Variants in LGSN observed in about 807,000 individuals in gnomAD.
LGSN encodes the protein lengsin.
A neutral mutation model predicts 19.5 loss-of-function variants in LGSN; 21 were observed. The ratio of observed to expected loss-of-function variants is 1.07; its 90% CI spans 0.76 to 1.55. The LOEUF (loss-of-function observed/expected upper bound fraction) is 1.55. Among genes scored for constraint, LGSN ranks in the 40% most tolerant of loss-of-function variants. LGSN has a pLI of 0.00. For synonymous variants in LGSN, 257 were observed against 215.6 expected, an observed-to-expected ratio of 1.19 and a Z score of -1.68; for missense variants, 673 against 608.5, an observed-to-expected ratio of 1.11 and a Z score of -1.12.
the LGSN span, among the ~76,000 whole-genome samples, chr6:63,385,044 C>T: frequency 3.3e-5 from 5 of 152,142 alleles, no homozygotes; most frequent in South Asian, 2.1e-4. Context: ...TGTTGAACTT[C>T]GAGCCTGCAG....
At chr6:63,517,133 G>C in the LGSN span, among the ~76,000 whole-genome samples, 2 of 152,074 alleles carry the variant, frequency 1.3e-5, no homozygotes, top group African/African-American at 4.8e-5. Context: ...AATACATCAT[G>C]CTTATTATTA....
At chr6:63,524,875 A>G in the LGSN span, among the ~76,000 whole-genome samples, 710 of 152,354 alleles carry the variant, frequency 4.7e-3, 1 homozygote, top group Middle Eastern at 0.017. Context: ...ACCACAATGG[A>G]CAAATTTTTA....
chr6:63,446,954 C>T, the LGSN span, among the ~76,000 whole-genome samples: 34 of 152,158 alleles, frequency 2.2e-4, no homozygotes, highest in African/African-American at 7.5e-4. Flanking sequence ...GAGGCTGAGG[C>T]GGGAGAATCA....
chr6:63,532,487 T>C, the LGSN span, among the ~76,000 whole-genome samples: 1 of 152,114 alleles, frequency 6.6e-6, no homozygotes, highest in East Asian at 1.9e-4. Flanking sequence ...TAGGACTATT[T>C]CTGGAAGCCT....
chr6:63,346,269 C>T, the LGSN span, among the ~76,000 whole-genome samples: 6 of 152,034 alleles, frequency 3.9e-5, no homozygotes, highest in Non-Finnish European at 5.9e-5. Flanking sequence ...AAGACTAAGT[C>T]ATGATTTAAA....
At chr6:63,400,851 G>T in the LGSN span, among the ~76,000 whole-genome samples, 17 of 152,056 alleles carry the variant, frequency 1.1e-4, no homozygotes. Context: ...AAAATTAGCT[G>T]GGCATGGTGG....
In LGSN at chr6:63,319,056, TC is replaced by T. The variant is rs142514182; in HGVS notation, c.30+857del. Among the ~76,000 whole-genome samples, 445 of 152,266 alleles carry T rather than the reference TC, an allele frequency of 2.9e-3. 3 individuals carry two copies. Among genetic ancestry groups the T allele is most frequent in the African/African-American group, 0.01 (421 of 41,562 alleles). On this transcript the variant is annotated intron_variant, in intron 1 of 3. Transcript: ENST00000370657. Reference sequence around the variant, plus strand: ...CTTCTTCACATAGCCTTGCCCAGTTTCCCTTAGGGAAAGTGCATTTGTTCTT... The same window carrying T: ...CTTCTTCACATAGCCTTGCCCAGTTTCCTTAGGGAAAGTGCATTTGTTCTT...
At chr6:63,491,810 C>A in the LGSN span, among the ~76,000 whole-genome samples, 4 of 152,160 alleles carry the variant, frequency 2.6e-5, no homozygotes, top group African/African-American at 9.7e-5. Flanking sequence ...GCGGGCGGAT[C>A]TCCTGAGGTC....
the LGSN span, among the ~76,000 whole-genome samples, chr6:63,437,697 C>T: frequency 6.6e-6 from 1 of 152,154 alleles, no homozygotes; most frequent in African/African-American, 2.4e-5. Flanking sequence ...CTTTGGGAGG[C>T]TGAGGCGGGC....
At chr6:63,558,900 T>C in the LGSN span, among the ~76,000 whole-genome samples, 3 of 152,172 alleles carry the variant, frequency 2.0e-5, no homozygotes, top group African/African-American at 4.8e-5. Flanking sequence ...AGTAGGATTG[T>C]TGTAAGAGTT....
At position 63,281,192 on chromosome 6, in the gene LGSN, G is replaced by A. The variant is rs1767297411; in HGVS notation, c.359C>T (p.Pro120Leu). ...QEKVSHGVCM[P>L]RGYLEVIPNP... Reference sequence around the variant, plus strand: ...TGGTATCACTTCAAGATAACCTCGGGGCATGCAAACACCATGGCTCACTTT... The same window carrying A: ...TGGTATCACTTCAAGATAACCTCGGAGCATGCAAACACCATGGCTCACTTT... The change falls in exon 4 of 4, where the codon CCC (proline) becomes CTC (leucine). Residue 120 changes from proline (P) to leucine (L), a missense_variant. Pro to Leu is a moderately conservative substitution (Grantham distance 98). Coordinates refer to ENST00000370657, the MANE Select transcript of LGSN (RefSeq NM_016571.3). 2 of 1,600,228 alleles carry A rather than the reference G, an allele frequency of 1.2e-6. No homozygotes were observed. The highest frequency in any genetic ancestry group is 1.7e-6 in the Non-Finnish European group (2 of 1,173,164).
chr6:63,340,468 G>T, the LGSN span, among the ~76,000 whole-genome samples: 1 of 151,888 alleles, frequency 6.6e-6, no homozygotes, highest in Admixed American at 6.6e-5. Context: ...TTATTCTGTT[G>T]TTGTTGTTTT....
At chr6:63,563,674 C>A in the LGSN span, among the ~76,000 whole-genome samples, 1 of 152,168 alleles carries the variant, frequency 6.6e-6, no homozygotes, top group Admixed American at 6.5e-5. Flanking sequence ...GAGTGCCTGG[C>A]ATATGCTAGG....
chr6:63,402,751 G>C, the LGSN span, among the ~76,000 whole-genome samples: 2 of 151,856 alleles, frequency 1.3e-5, no homozygotes, highest in Non-Finnish European at 2.9e-5. Flanking sequence ...CAGATGTTTG[G>C]GCAAACACCA....
At position 63,277,296 on chromosome 6, in the gene LGSN, T is replaced by A. The variant is rs921083974; in HGVS notation, c.*2725A>T. On this transcript the variant is annotated 3_prime_UTR_variant, in exon 4 of 4. Coordinates refer to ENST00000370657, the MANE Select transcript of LGSN (RefSeq NM_016571.3). Reference sequence around the variant, plus strand: ...TTAAGGCCCGTGGACTATAAAGGGATATGCCACTTTATAGGGATGGGTTAG... The same window carrying A: ...TTAAGGCCCGTGGACTATAAAGGGAAATGCCACTTTATAGGGATGGGTTAG... 6.6e-6 allele frequency: 1 copy of A among 152,218 alleles called. No individual in the cohort carries two copies. Among genetic ancestry groups the A allele is most frequent in the Non-Finnish European group, 1.5e-5 (1 of 68,034 alleles). The allele number at this position is 152,218 out of a possible 1,614,324, so 9.4% of individuals were successfully genotyped here.
At chr6:63,366,428 C>G in the LGSN span, among the ~76,000 whole-genome samples, 6 of 151,860 alleles carry the variant, frequency 4.0e-5, no homozygotes, top group South Asian at 1.2e-3. Context: ...CACTGCTCAA[C>G]GAAATAAAAG....
chr6:63,486,125 A>T, the LGSN span, among the ~76,000 whole-genome samples: 3 of 152,222 alleles, frequency 2.0e-5, no homozygotes, highest in Non-Finnish European at 4.4e-5. Flanking sequence ...AGATAGCAGG[A>T]AGGCAATTAT....
chr6:63,444,250 G>A, the LGSN span, among the ~76,000 whole-genome samples: 3 of 152,104 alleles, frequency 2.0e-5, no homozygotes, highest in Non-Finnish European at 4.4e-5. Context: ...GAAACAGAAA[G>A]ATGAGTTAAA....
chr6:63,312,216 T>C (rs1582048529), intron 1 of LGSN, among the ~76,000 whole-genome samples: 1 of 152,222 alleles, frequency 6.6e-6, no homozygotes, highest in Non-Finnish European at 1.5e-5. Flanking sequence ...GATGCTTAGG[T>C]CAATTCTATA....
Sources: gnomAD v4.1 joint callset for allele counts (sites outside exome capture counted in the v4.1 genomes callset) on GRCh38, gnomAD v4.1.1 for gene constraint, MANE v1.5 for transcripts, NCBI Gene and HGNC (gene_info 2026-07-23, HGNC 2026-07-21) for gene names.